ELOB: variants seen among roughly 807,000 people sequenced by gnomAD.
ELOB encodes the protein elongin-B.
ELOB carries 3 observed loss-of-function variants against 12.9 expected under a neutral mutation model. The observed-to-expected ratio is 0.23, with a 90% CI of 0.11 to 0.60. The LOEUF (loss-of-function observed/expected upper bound fraction) is 0.60, where lower values mean the gene tolerates loss of function less well. Ranked by LOEUF, ELOB falls within the 20% of genes least tolerant of loss-of-function variation. The pLI, the probability that ELOB is intolerant of heterozygous loss-of-function variation, is 0.89. For synonymous variants in ELOB, 84 were observed against 67.4 expected (o/e 1.25, Z -1.21); for missense variants, 126 against 159.2 (o/e 0.79, Z 1.12).
chr16:2,774,922 C>G (rs1356363042), intron 3 of ELOB, among the ~76,000 whole-genome samples: 2 of 152,164 alleles, frequency 1.3e-5, no homozygotes, highest in Non-Finnish European at 2.9e-5. Flanking sequence ...TTTACTGAAC[C>G]TGAAAACTGG....
rs2068807822 is a variant in ELOB at position 2,777,255 on chromosome 16, T to TC, written c.-17dup. On this transcript the variant is annotated 5_prime_UTR_variant, in exon 1 of 4. Transcript: ENST00000409906. ...CGCTCACCATCGCGGCTGCTGCCTC[T>TC]CCCCTCGACGCGCCGGCGCAGCCGC... is the stretch of plus-strand genomic sequence containing the variant. 3.9e-6 allele frequency: 4 copies of TC among 1,021,688 alleles called. No homozygotes were observed. The highest frequency in any genetic ancestry group is 2.0e-4 in the East Asian group (2 of 10,034). The allele number at this position is 1,021,688 out of a possible 1,614,324, so 63.3% of individuals were successfully genotyped here.
At position 2,771,454 on chromosome 16, in the gene ELOB, A is replaced by G. The variant is rs369392329; in HGVS notation, c.*536T>C. 2.5e-6 allele frequency: 4 copies of G among 1,614,214 alleles called. No individual in the cohort carries two copies. The highest frequency in any genetic ancestry group is 3.4e-6 in the Non-Finnish European group (4 of 1,180,026). On this transcript the variant is annotated 3_prime_UTR_variant, in exon 4 of 4. Coordinates refer to ENST00000409906, the MANE Select transcript of ELOB (RefSeq NM_007108.4). Reference sequence around the variant, plus strand: ...TTTATTAAAGGTGTGTTAAGGGGGCAGCCACTTCCCTCCGTGATTACAGCC... The same window carrying G: ...TTTATTAAAGGTGTGTTAAGGGGGCGGCCACTTCCCTCCGTGATTACAGCC...
intron 2 of ELOB, among the ~76,000 whole-genome samples, chr16:2,776,753 G>T (rs554474389): frequency 2.0e-5 from 3 of 152,252 alleles, no homozygotes; most frequent in Non-Finnish European, 4.4e-5. Flanking sequence ...TGCAGGGGTT[G>T]CATGCCACGG....
intron 3 of ELOB, among the ~76,000 whole-genome samples, chr16:2,773,017 C>T (rs1048869920): frequency 6.6e-6 from 1 of 152,176 alleles, no homozygotes; most frequent in African/African-American, 2.4e-5. Flanking sequence ...ACACTCTGGG[C>T]GTAGGGGCAC....
intron 2 of ELOB, among the ~76,000 whole-genome samples, chr16:2,775,945 C>G (rs982863044): frequency 6.6e-6 from 1 of 152,150 alleles, no homozygotes; most frequent in Non-Finnish European, 1.5e-5. Flanking sequence ...ACAGACCCAA[C>G]ATAAGCGCTA....
chr16:2,775,675 A>T (rs754300173), intron 2 of ELOB, 119 bp from the exon 3 acceptor site: 3 of 672,030 alleles, frequency 4.5e-6, no homozygotes, highest in Admixed American at 6.2e-5. Context: ...AGTGTGGCCC[A>T]GGACCACCAC....
At chr16:2,772,137 TC>T (rs1414194554) in intron 3 of ELOB, 35 bp from the exon 4 acceptor site, 2 of 1,548,450 alleles carry the variant, frequency 1.3e-6, no homozygotes, top group South Asian at 1.2e-5. Flanking sequence ...AGGGGGGTAT[TC>T]CAGCTCTTGC....
Position 2,775,502 on chromosome 16 carries a change from G to T in ELOB, c.193C>A (p.Gln65Lys), listed in dbSNP as rs2068793925. Residue 65 changes from glutamine (Q) to lysine (K), a missense_variant, in exon 3 of 4, where the codon CAA becomes AAA. Physicochemically the swap from Gln to Lys is moderately conservative, Grantham distance 53. Coordinates refer to ENST00000409906, the MANE Select transcript of ELOB (RefSeq NM_007108.4). ...KTLGECGFTS[Q>K]TARPQAPATV... ...GCTGGGGCCTGTGGCCGTGCTGTTT[G>T]ACTGGTGAAGCCACACTCGCCCAGT... 2 of 1,608,376 alleles carry T rather than the reference G, an allele frequency of 1.2e-6. No homozygotes were observed. The highest frequency in any genetic ancestry group is 1.1e-5 in the South Asian group (1 of 90,962).
rs1025623238 is a variant in ELOB, at chr16:2,771,510, C to G, written c.*480G>C. 6.2e-7 allele frequency: 1 copy of G among 1,614,182 alleles called. No homozygotes were observed. Among genetic ancestry groups the G allele is most frequent in the Non-Finnish European group, 8.5e-7 (1 of 1,180,048 alleles). ...CGTGGGTGGACCTGTGTGGGTCCGT[C>G]TTGGGGTTCCCTCGTTGAACATGCT... On this transcript the variant is annotated 3_prime_UTR_variant, in exon 4 of 4. Transcript: ENST00000409906.
chr16:2,776,621 G>C (rs2068802269), intron 2 of ELOB, among the ~76,000 whole-genome samples: 2 of 152,240 alleles, frequency 1.3e-5, no homozygotes, highest in African/African-American at 2.4e-5. Context: ...CGATGGGCCT[G>C]CGAAGAAGGG....
At chr16:2,776,724 A>T (rs1402087802) in intron 2 of ELOB, among the ~76,000 whole-genome samples, 1 of 152,218 alleles carries the variant, frequency 6.6e-6, no homozygotes, top group Non-Finnish European at 1.5e-5. Context: ...CGTCAACTGC[A>T]CGGCGCGGGC....
rs1362786981 is a variant in ELOB at position 2,775,548 on chromosome 16, T to G, written c.147A>C (p.Gln49His). The G allele has an allele frequency of 6.2e-7, 1 of 1,608,088 alleles. No homozygotes were observed. Among genetic ancestry groups the G allele is most frequent in the Non-Finnish European group, 8.5e-7 (1 of 1,179,642 alleles). Residue 49 changes from glutamine to histidine, a missense_variant, in exon 3 of 4, where the codon CAA becomes CAC. Coordinates refer to ENST00000409906, the MANE Select transcript of ELOB (RefSeq NM_007108.4). The stretch of plus-strand genomic sequence containing the variant: ...CCAGTGTCTTGCCATCATCCAAGAG[T>G]TGGTCATCCTGAGGAGAGAAGCAGG... ...PDEQRLYKDD[Q>H]LLDDGKTLGE...
At chr16:2,773,894 G>A (rs1292560360) in intron 3 of ELOB, among the ~76,000 whole-genome samples, 1 of 152,226 alleles carries the variant, frequency 6.6e-6, no homozygotes, top group Non-Finnish European at 1.5e-5. Flanking sequence ...GGTTCACGAA[G>A]CAGACCAGAT....
intron 3 of ELOB, chr16:2,772,318 C>G: frequency 2.4e-6 from 1 of 421,062 alleles, no homozygotes; most frequent in South Asian, 4.4e-5. Flanking sequence ...CTGAAGGTCC[C>G]CAGCCCTTCC....
chr16:2,772,129 G>A, intron 3 of ELOB, 27 bp from the exon 4 acceptor site: 1 of 1,565,732 alleles, frequency 6.4e-7, no homozygotes, highest in Non-Finnish European at 8.7e-7. Flanking sequence ...AGAGCTGCAG[G>A]GGGGTATTCC....
In ELOB at chr16:2,771,915, G is replaced by A. The variant is rs1045810724; in HGVS notation, c.*75C>T. ...GGGAGTGGGACCCATCCCAGGGAGG[G>A]GCGGGAAAAAGAGGCAGCAACCAGG... On this transcript the variant is annotated 3_prime_UTR_variant, in exon 4 of 4. Transcript: ENST00000409906. The A allele has an allele frequency of 2.0e-6, 3 of 1,536,488 alleles. No homozygotes were observed. In the African/African-American group the frequency reaches 4.1e-5, roughly 21 times the overall value.
At chr16:2,775,583 G>GA in intron 2 of ELOB, 27 bp from the exon 3 acceptor site, 1 of 1,585,656 alleles carries the variant, frequency 6.3e-7, no homozygotes, top group East Asian at 2.2e-5. Context: ...GATCTTGGGA[G>GA]AGGCCCTACA....
Position 2,775,570 on chromosome 16 carries a change from C to A in ELOB, c.139-14G>T, listed in dbSNP as rs1372552221. 6 of 1,603,522 alleles carry A rather than the reference C, an allele frequency of 3.7e-6. No individual in the cohort carries two copies. Among genetic ancestry groups the A allele is most frequent in the Non-Finnish European group, 1.7e-6 (2 of 1,178,070 alleles). ...GAGTTGGTCATCCTGAGGAGAGAAG[C>A]AGGATCTTGGGAGAGGCCCTACATG... On this transcript the variant is annotated splice_polypyrimidine_tract_variant and intron_variant, in intron 2 of 3. Coordinates refer to ENST00000409906, the MANE Select transcript of ELOB (RefSeq NM_007108.4).
rs961146990 is a variant in ELOB, at chr16:2,777,070, A to T, written c.61T>A (p.Ser21Thr). Residue 21 changes from serine to threonine, a missense_variant, in exon 2 of 4, where the codon TCC (serine) becomes ACC (threonine). Physicochemically the swap from Ser to Thr is moderately conservative, Grantham distance 58 (BLOSUM62 1). Transcript: ENST00000409906. ...KTTIFTDAKE[S>T]STVFELKRIV... ...CGCTTCAGTTCGAACACCGTGCTGG[A>T]CTCCTTGGCGTCCGTGAAGATGGTG... 6.2e-7 allele frequency: 1 copy of T among 1,601,026 alleles called. No individual in the cohort carries two copies. Among genetic ancestry groups the T allele is most frequent in the African/African-American group, 1.4e-5 (1 of 72,512 alleles).
Sources: gnomAD v4.1 joint callset for allele counts (sites outside exome capture counted in the v4.1 genomes callset) on GRCh38, gnomAD v4.1.1 for gene constraint, MANE v1.5 for transcripts, NCBI Gene and HGNC (gene_info 2026-07-23, HGNC 2026-07-21) for gene names.